Variants in OR51C1 observed in about 807,000 individuals in gnomAD.
OR51C1 encodes the protein olfactory receptor OR51C1.
the OR51C1 span, among the ~76,000 whole-genome samples, chr11:4,693,475 A>T: frequency 6.6e-6 from 1 of 152,208 alleles, no homozygotes; most frequent in Non-Finnish European, 1.5e-5. Flanking sequence ...TAGTCCCAGC[A>T]CTTTGGGAGG....
chr11:4,696,355 A>G, the OR51C1 span, among the ~76,000 whole-genome samples: 1 of 151,412 alleles, frequency 6.6e-6, no homozygotes, highest in African/African-American at 2.4e-5. Context: ...ACTACCCACC[A>G]CACACACACA....
chr11:4,691,416 A>G, the OR51C1 span: 1 of 457,868 alleles, frequency 2.2e-6, no homozygotes, highest in Non-Finnish European at 4.4e-6. Flanking sequence ...GCAGGCATTA[A>G]AGCTGATTTC....
At chr11:4,694,316 C>T in the OR51C1 span, among the ~76,000 whole-genome samples, 2,193 of 151,922 alleles carry the variant, frequency 0.014, 52 homozygotes, top group African/African-American at 0.05. Flanking sequence ...TGACTTCTCT[C>T]CTTTCCATCA....
chr11:4,691,258 C>T, the OR51C1 span: 5 of 456,798 alleles, frequency 1.1e-5, no homozygotes, highest in Admixed American at 2.4e-5. Context: ...ATGACACTTG[C>T]CACTCCAATT....
the OR51C1 span, chr11:4,691,559 G>A: frequency 2.2e-6 from 1 of 456,918 alleles, no homozygotes; most frequent in East Asian, 6.9e-5. Flanking sequence ...TGGTAGCGAA[G>A]AGGATCAGGC....
At chr11:4,695,051 T>C in the OR51C1 span, among the ~76,000 whole-genome samples, 2 of 152,116 alleles carry the variant, frequency 1.3e-5, no homozygotes, top group Non-Finnish European at 1.5e-5. Context: ...TATATCGAAG[T>C]CTTAAATGTG....
At chr11:4,691,578 A>G in the OR51C1 span, 2 of 456,732 alleles carry the variant, frequency 4.4e-6, no homozygotes, top group Admixed American at 4.7e-5. Context: ...GCTGTTTCCC[A>G]AGAGAGCAGT....
chr11:4,692,895 C>T, the OR51C1 span, among the ~76,000 whole-genome samples: 4 of 151,610 alleles, frequency 2.6e-5, no homozygotes, highest in African/African-American at 9.7e-5. Flanking sequence ...CTAAAATTAA[C>T]AGAAAACTAG....
the OR51C1 span, among the ~76,000 whole-genome samples, chr11:4,694,475 C>CAT: frequency 2.0e-5 from 3 of 150,538 alleles, no homozygotes; most frequent in African/African-American, 4.9e-5. Flanking sequence ...CTAAACTATA[C>CAT]ATATATATAC....
At chr11:4,692,035 T>A in the OR51C1 span, 35 of 350,024 alleles carry the variant, frequency 1.0e-4, no homozygotes, top group Non-Finnish European at 1.8e-4. Context: ...ACCCTGAGTT[T>A]GCCAATCATA....
At chr11:4,691,728 T>A in the OR51C1 span, 2 of 347,584 alleles carry the variant, frequency 5.8e-6, no homozygotes, top group Non-Finnish European at 1.1e-5. Flanking sequence ...CAGAACGAGA[T>A]GAGAGCTTAA....
At chr11:4,691,417 A>T in the OR51C1 span, 6 of 457,742 alleles carry the variant, frequency 1.3e-5, no homozygotes, top group African/African-American at 1.0e-4. Context: ...CAGGCATTAA[A>T]GCTGATTTCC....
chr11:4,696,318 A>T, the OR51C1 span, among the ~76,000 whole-genome samples: 1 of 152,024 alleles, frequency 6.6e-6, no homozygotes, highest in Non-Finnish European at 1.5e-5. Context: ...ACGACATCGA[A>T]CTCTAGTAAA....
the OR51C1 span, among the ~76,000 whole-genome samples, chr11:4,694,342 T>G: frequency 2.0e-5 from 3 of 151,892 alleles, no homozygotes; most frequent in Non-Finnish European, 4.4e-5. Context: ...CAAGCATATC[T>G]TCCTGCATCC....
the OR51C1 span, chr11:4,691,405 A>G: frequency 2.2e-6 from 1 of 457,830 alleles, no homozygotes; most frequent in Non-Finnish European, 4.4e-6. Flanking sequence ...ATGTGGGACA[A>G]GCAGGCATTA....
chr11:4,695,776 GT>G, the OR51C1 span, among the ~76,000 whole-genome samples: 108,128 of 150,598 alleles, frequency 0.72, 39,248 homozygotes, highest in East Asian at 0.96. Flanking sequence ...ATTCTGTGAG[GT>G]TTTTTTTTTT....
At chr11:4,696,620 A>G in the OR51C1 span, among the ~76,000 whole-genome samples, 1 of 152,112 alleles carries the variant, frequency 6.6e-6, no homozygotes, top group East Asian at 1.9e-4. Flanking sequence ...GAGGCACTAA[A>G]TTTCCCCCAA....
chr11:4,690,500 T>C, the OR51C1 span: 1 of 196,218 alleles, frequency 5.1e-6, no homozygotes, highest in Non-Finnish European at 1.1e-5. Flanking sequence ...CCAACAGTGG[T>C]GTGAGAAGGA....
chr11:4,697,137 T>A, the OR51C1 span, among the ~76,000 whole-genome samples: 2 of 152,224 alleles, frequency 1.3e-5, no homozygotes, highest in Non-Finnish European at 2.9e-5. Flanking sequence ...TGAAACATAT[T>A]TGAAATCACA....
Sources: allele counts gnomAD v4.1 joint callset (sites outside exome capture counted in the v4.1 genomes callset), GRCh38; gene constraint gnomAD v4.1.1; transcripts MANE v1.5; gene names NCBI Gene and HGNC (gene_info 2026-07-23, HGNC 2026-07-21).